The following RBFOX1 variants were observed in gnomAD, a reference collection of about 807,000 sequenced individuals.
RBFOX1 encodes RNA binding fox-1 homolog 1.
RBFOX1 carries 8 observed loss-of-function variants against 57.7 expected under a neutral mutation model. The ratio of observed to expected loss-of-function variants is 0.14; its 90% confidence interval spans 0.08 to 0.25. RBFOX1 has a LOEUF of 0.25. Among genes scored for constraint, RBFOX1 ranks in the 10% least tolerant of loss-of-function variants. The pLI, the probability that RBFOX1 is intolerant of heterozygous loss-of-function variation, is 1.00. For synonymous variants in RBFOX1, 326 were observed against 222.4 expected, an observed-to-expected ratio of 1.47 and a Z score of -4.15; for missense variants, 611 against 548.5, an observed-to-expected ratio of 1.11 and a Z score of -1.14.
chr16:6,947,184 C>G (rs1469711824), intron 3 of RBFOX1, among the ~76,000 whole-genome samples: 3 of 152,166 alleles, frequency 2.0e-5, no homozygotes, highest in Non-Finnish European at 2.9e-5. Flanking sequence ...GATTTCAACT[C>G]TTTATGTGAA....
intron 3 of RBFOX1, among the ~76,000 whole-genome samples, chr16:6,925,945 C>A (rs982187474): frequency 6.6e-6 from 1 of 151,840 alleles, no homozygotes; most frequent in East Asian, 1.9e-4. Context: ...TTTTAGTAAC[C>A]TAAACTCATC....
intron 1 of RBFOX1, among the ~76,000 whole-genome samples, chr16:5,453,754 A>G (rs1297876208): frequency 6.6e-6 from 1 of 152,186 alleles, no homozygotes; most frequent in Non-Finnish European, 1.5e-5. Context: ...GATCAGCTTT[A>G]CTCTAAGCAA....
intron 2 of RBFOX1, among the ~76,000 whole-genome samples, chr16:6,653,592 AATGAGTGG>A (rs2154086733): frequency 6.6e-6 from 1 of 152,254 alleles, no homozygotes; most frequent in African/African-American, 2.4e-5. Context: ...AATAAATATG[AATGAGTGG>A]ATGAGTGGAA....
intron 1 of RBFOX1, among the ~76,000 whole-genome samples, chr16:5,425,905 G>A (rs1437684138): frequency 6.6e-6 from 1 of 152,120 alleles, no homozygotes; most frequent in African/African-American, 2.4e-5. Flanking sequence ...TGTCTGCAGC[G>A]GTGTGTGCCT....
intron 1 of RBFOX1, among the ~76,000 whole-genome samples, chr16:6,172,613 A>T (rs570806607): frequency 2.0e-5 from 3 of 152,312 alleles, no homozygotes; most frequent in African/African-American, 7.2e-5. Flanking sequence ...TCCTGAGTTC[A>T]AGTTCTGTCC....
chr16:6,065,235 G>C (rs1175178439), intron 1 of RBFOX1, among the ~76,000 whole-genome samples: 2 of 144,052 alleles, frequency 1.4e-5, no homozygotes, highest in Admixed American at 1.4e-4. Context: ...GGATCTTGCT[G>C]TGTTGCCACG....
At chr16:7,349,934 G>A (rs1371995105) in intron 4 of RBFOX1, among the ~76,000 whole-genome samples, 4 of 152,150 alleles carry the variant, frequency 2.6e-5, no homozygotes, top group African/African-American at 9.7e-5. Context: ...ATCACTTGAG[G>A]TCAGGAGTTC....
intron 15 of RBFOX1, chr16:7,709,839 G>C (rs564265741): frequency 1.4e-5 from 18 of 1,244,952 alleles, no homozygotes; most frequent in South Asian, 1.8e-5. Flanking sequence ...AAACTCTTGA[G>C]TACAGTAAGA....
At chr16:7,472,469 T>C (rs2061741993) in intron 4 of RBFOX1, among the ~76,000 whole-genome samples, 2 of 152,236 alleles carry the variant, frequency 1.3e-5, no homozygotes, top group Admixed American at 6.5e-5. Context: ...GAAACCAGTG[T>C]TATGAAACTT....
chr16:6,683,504 A>G (rs751668789), intron 3 of RBFOX1, among the ~76,000 whole-genome samples: 4 of 152,246 alleles, frequency 2.6e-5, no homozygotes, highest in Non-Finnish European at 5.9e-5. Context: ...AAAACTATAT[A>G]TAAACAAAAC....
chr16:6,776,839 T>C (rs761548570), intron 3 of RBFOX1, among the ~76,000 whole-genome samples: 2 of 151,980 alleles, frequency 1.3e-5, no homozygotes, highest in Non-Finnish European at 2.9e-5. Flanking sequence ...TGCTGTTTTA[T>C]TTTTTCTTCG....
intron 4 of RBFOX1, among the ~76,000 whole-genome samples, chr16:7,307,820 T>C (rs1026185747): frequency 6.6e-6 from 1 of 152,190 alleles, no homozygotes; most frequent in African/African-American, 2.4e-5. Flanking sequence ...AACGGACAAG[T>C]AGTCCTTGGA....
chr16:7,586,870 T>C (rs563805293), intron 6 of RBFOX1, among the ~76,000 whole-genome samples: 1 of 152,334 alleles, frequency 6.6e-6, no homozygotes, highest in South Asian at 2.1e-4. Context: ...ATTATCAAAA[T>C]CACATTTCAT....
At chr16:6,158,100 G>A (rs1021427234) in intron 1 of RBFOX1, among the ~76,000 whole-genome samples, 4 of 152,122 alleles carry the variant, frequency 2.6e-5, no homozygotes, top group African/African-American at 9.7e-5. Flanking sequence ...GATAAAACCC[G>A]AACGCTTTTA....
At chr16:6,655,511 G>C (rs1048786757) in intron 3 of RBFOX1, among the ~76,000 whole-genome samples, 3 of 150,308 alleles carry the variant, frequency 2.0e-5, no homozygotes, top group Non-Finnish European at 4.4e-5. Context: ...TACATATTTA[G>C]AGTCCCCTCA....
intron 3 of RBFOX1, among the ~76,000 whole-genome samples, chr16:5,638,437 A>C (rs1178415648): frequency 6.6e-6 from 1 of 152,140 alleles, no homozygotes; most frequent in Non-Finnish European, 1.5e-5. Flanking sequence ...TGATGATTGA[A>C]TAAGCTGGTG....
At chr16:6,804,838 A>C (rs1046972000) in intron 3 of RBFOX1, among the ~76,000 whole-genome samples, 1 of 152,190 alleles carries the variant, frequency 6.6e-6, no homozygotes, top group East Asian at 1.9e-4. Context: ...AAGTATTGGC[A>C]GTTATGTCCT....
chr16:7,093,749 C>T (rs1215557637), intron 4 of RBFOX1, among the ~76,000 whole-genome samples: 1 of 152,152 alleles, frequency 6.6e-6, no homozygotes, highest in Non-Finnish European at 1.5e-5. Flanking sequence ...CACCCAGAAG[C>T]TGTTGATGTA....
chr16:7,211,006 C>T (rs1204822501), intron 4 of RBFOX1, among the ~76,000 whole-genome samples: 2 of 150,568 alleles, frequency 1.3e-5, no homozygotes, highest in Non-Finnish European at 3.0e-5. Context: ...TGCTTGACTA[C>T]ATAATCACTT....
Sources: allele counts gnomAD v4.1 joint callset (sites outside exome capture counted in the v4.1 genomes callset), GRCh38; gene constraint gnomAD v4.1.1; transcripts MANE v1.5; gene names NCBI Gene and HGNC (gene_info 2026-07-23, HGNC 2026-07-21).